The following MYO16 variants were observed in gnomAD, a reference collection of about 807,000 sequenced individuals.
The protein encoded by MYO16 is unconventional myosin-XVI.
In MYO16, 94 loss-of-function variants were observed where a neutral mutation model predicts 205.3. The observed-to-expected ratio is 0.46, with a 90% CI of 0.39 to 0.54. MYO16 has a LOEUF of 0.54. MYO16 is among the 20% of genes least tolerant of loss of function. MYO16 has a pLI of 0.00. For synonymous variants in MYO16, 988 were observed against 954.0 expected (o/e 1.04, Z -0.66); for missense variants, 2,315 against 2,387.5 (o/e 0.97, Z 0.63).
chr13:109,076,665 C>A (rs1406886627), intron 27 of MYO16, among the ~76,000 whole-genome samples: 1 of 152,142 alleles, frequency 6.6e-6, no homozygotes, highest in Non-Finnish European at 1.5e-5. Flanking sequence ...GTAGAACCTT[C>A]CTCTTCCATC....
At chr13:109,044,506 G>A (rs12856298) in intron 23 of MYO16, among the ~76,000 whole-genome samples, 23,370 of 151,854 alleles carry the variant, frequency 0.15, 1,886 homozygotes, top group Non-Finnish European at 0.18. Context: ...GAGGAAGCTA[G>A]GAATAAAGTG....
intron 32 of MYO16, among the ~76,000 whole-genome samples, chr13:109,154,495 C>T (rs1877877474): frequency 6.6e-6 from 1 of 152,124 alleles, no homozygotes; most frequent in Admixed American, 6.5e-5. Flanking sequence ...TTGAAAAGAC[C>T]TCACATCCAC....
chr13:108,995,530 C>T (rs1884974510), intron 21 of MYO16, among the ~76,000 whole-genome samples: 1 of 152,030 alleles, frequency 6.6e-6, no homozygotes, highest in African/African-American at 2.4e-5. Context: ...TGTTGGTGTG[C>T]TGCCCCCATC....
intron 28 of MYO16, among the ~76,000 whole-genome samples, chr13:109,103,046 A>G (rs1018311645): frequency 6.6e-6 from 1 of 152,182 alleles, no homozygotes; most frequent in Non-Finnish European, 1.5e-5. Flanking sequence ...GTAACCTATG[A>G]TATACTTTAT....
At chr13:109,147,065 G>A (rs565671803) in intron 32 of MYO16, among the ~76,000 whole-genome samples, 15 of 151,902 alleles carry the variant, frequency 9.9e-5, no homozygotes, top group East Asian at 1.9e-4. Flanking sequence ...AAGCCAGGGC[G>A]TCATTTTTCA....
At chr13:109,084,648 G>C (rs1464753500) in intron 27 of MYO16, among the ~76,000 whole-genome samples, 1 of 151,528 alleles carries the variant, frequency 6.6e-6, no homozygotes, top group Non-Finnish European at 1.5e-5. Flanking sequence ...AGTAAACATT[G>C]TATATTAATT....
intron 22 of MYO16, among the ~76,000 whole-genome samples, chr13:109,018,431 C>G (rs982189180): frequency 7.2e-5 from 11 of 152,190 alleles, no homozygotes; most frequent in African/African-American, 2.7e-4. Flanking sequence ...CCAAGTTAGT[C>G]TACATGGGGG....
chr13:108,629,769 G>A lies in MYO16; in HGVS notation c.-76G>A. ...TACCTGAGTAAGGGCTTTAAGTAATGCATTTCCTGGGAACGACAGTTGTGA... is the reference window on the plus strand; with the variant it reads ...TACCTGAGTAAGGGCTTTAAGTAATACATTTCCTGGGAACGACAGTTGTGA... On this transcript the variant is annotated 5_prime_UTR_variant, in exon 1 of 35. It removes an upstream start codon present in the reference 5' UTR. Transcript: ENST00000457511. 2 of 1,372,584 alleles carry A rather than the reference G, an allele frequency of 1.5e-6. No individual in the cohort carries two copies. The highest frequency in any genetic ancestry group is 1.4e-5 in the African/African-American group (1 of 69,990). The allele number at this position is 1,372,584 out of a possible 1,614,324, so 85.0% of individuals were successfully genotyped here. A position where few individuals can be genotyped will look rare whatever the true frequency, so the allele number is the denominator to read the frequency against.
chr13:108,843,605 A>G (rs560438858), intron 9 of MYO16, among the ~76,000 whole-genome samples: 1 of 152,328 alleles, frequency 6.6e-6, no homozygotes, highest in East Asian at 1.9e-4. Context: ...GCACTTGATT[A>G]AATACACGTG....
chr13:109,156,251 G>C (rs1205481590), intron 32 of MYO16, among the ~76,000 whole-genome samples: 2 of 152,136 alleles, frequency 1.3e-5, no homozygotes. Flanking sequence ...AAGCGCTGTC[G>C]AGCTGCGACT....
intron 6 of MYO16, among the ~76,000 whole-genome samples, chr13:108,805,805 C>G (rs113398619): frequency 0.01 from 1,594 of 151,942 alleles, 31 homozygotes; most frequent in African/African-American, 0.037. Flanking sequence ...TGGGGCTGGA[C>G]ATGGTGGATC....
intron 2 of MYO16, among the ~76,000 whole-genome samples, chr13:108,677,374 CAT>C (rs1283876520): frequency 3.5e-5 from 4 of 114,028 alleles, no homozygotes; most frequent in Admixed American, 8.8e-5. Context: ...TATATATATG[CAT>C]ATATATATAC....
rs763836790 is a variant in MYO16, at chr13:109,164,962, C to T, written c.5226C>T (p.Ser1742=). The T allele has an allele frequency of 5.0e-6, 8 of 1,607,410 alleles. No individual in the cohort carries two copies. Among genetic ancestry groups the T allele is most frequent in the East Asian group, 4.5e-5 (2 of 44,554 alleles). ...RDDPSTSEIT[S]ETQDRNANNH... ...ACCCTAGTACGTCAGAAATTACTTC[C>T]GAGACTCAAGACAGAAATGCAAATA... The change falls in exon 33 of 35, where the codon TCC becomes TCT. Residue 1742 remains serine, a synonymous_variant. Coordinates refer to ENST00000457511, the MANE Select transcript of MYO16 (RefSeq NM_001198950.3).
intron 20 of MYO16, among the ~76,000 whole-genome samples, chr13:108,986,598 G>C (rs562436439): frequency 3.4e-4 from 50 of 145,646 alleles, no homozygotes; most frequent in African/African-American, 1.3e-3. Context: ...CTCCAGCCTG[G>C]GCAACAAGAG....
intron 20 of MYO16, among the ~76,000 whole-genome samples, chr13:108,991,297 G>A (rs1235938292): frequency 6.6e-6 from 1 of 152,088 alleles, no homozygotes; most frequent in Non-Finnish European, 1.5e-5. Context: ...TGCTTACCAA[G>A]TGGGCTCAGA....
intron 32 of MYO16, among the ~76,000 whole-genome samples, chr13:109,163,193 A>G (rs2139872192): frequency 6.6e-6 from 1 of 152,252 alleles, no homozygotes; most frequent in East Asian, 1.9e-4. Flanking sequence ...TCTGTGCTGT[A>G]AAGGAGAGGT....
the MYO16 span, among the ~76,000 whole-genome samples, chr13:108,528,610 C>CCTCTCTTCTCCTTTCCCCTCCT: frequency 1.7e-4 from 1 of 5,936 alleles, no homozygotes; most frequent in Non-Finnish European, 3.5e-4. Context: ...CCTCTCCTCT[C>CCTCTCTTCTCCTTTCCCCTCCT]CTCCCCTCCC....
At chr13:108,719,410 T>C (rs1884072896) in intron 3 of MYO16, among the ~76,000 whole-genome samples, 1 of 152,184 alleles carries the variant, frequency 6.6e-6, no homozygotes, top group South Asian at 2.1e-4. Context: ...CACAAATGGC[T>C]GATCCCATTC....
At chr13:109,052,182 C>G (rs537781194) in intron 24 of MYO16, 118 bp from the exon 25 acceptor site, 3 of 812,164 alleles carry the variant, frequency 3.7e-6, no homozygotes, top group Non-Finnish European at 6.1e-6. Flanking sequence ...ATCTGCTGAA[C>G]GAATGACGTC....
Sources: allele counts gnomAD v4.1 joint callset (sites outside exome capture counted in the v4.1 genomes callset), GRCh38; gene constraint gnomAD v4.1.1; transcripts MANE v1.5; gene names NCBI Gene and HGNC (gene_info 2026-07-23, HGNC 2026-07-21).